TTC28: variants seen among roughly 807,000 people sequenced by gnomAD.
TTC28 encodes the protein tetratricopeptide repeat domain 28.
TTC28 carries 61 observed loss-of-function variants against 198.0 expected under a neutral mutation model. The observed-to-expected ratio is 0.31, with a 90% confidence interval of 0.25 to 0.38. The LOEUF (loss-of-function observed/expected upper bound fraction) is 0.38. Ranked by LOEUF, TTC28 falls within the 10% of genes least tolerant of loss-of-function variation. The probability of loss-of-function intolerance (pLI) is 1.00; values close to 1 mark genes in which losing one functional copy is unlikely to be tolerated. For missense variants in TTC28, 2,678 were observed against 3,164.0 expected (o/e 0.85, Z 3.69); for synonymous variants, 1,171 against 1,297.8 (o/e 0.90, Z 2.10).
At chr22:28,028,082 G>C (rs1938908236) in intron 13 of TTC28, among the ~76,000 whole-genome samples, 1 of 152,252 alleles carries the variant, frequency 6.6e-6, no homozygotes, top group Admixed American at 6.5e-5. Context: ...TGGGCCTTAA[G>C]GGCTTACCAC....
chr22:28,677,978 TA>T (rs1009680047), intron 1 of TTC28, among the ~76,000 whole-genome samples: 1 of 151,978 alleles, frequency 6.6e-6, no homozygotes, highest in Non-Finnish European at 1.5e-5. Context: ...ATTAAAAATT[TA>T]AAAAATCACA....
Position 28,098,926 on chromosome 22 carries a change from A to T in TTC28, c.3536T>A (p.Leu1179His). ...TSSYQALQRV[L>H]VSLGHHDEAL... ...CCAGCTGTTCTCACCTAGGCTGACG[A>T]GCACCCGCTGCAAGGCCTGGTAGGA... is the stretch of plus-strand genomic sequence containing the variant. Residue 1179 changes from leucine to histidine, a missense_variant, in exon 10 of 23, where the codon CTC becomes CAC. Leu to His is a moderately conservative substitution (Grantham distance 99). Coordinates refer to ENST00000397906, the MANE Select transcript of TTC28 (RefSeq NM_001145418.2). 6.4e-7 allele frequency: 1 copy of T among 1,551,690 alleles called. No homozygotes were observed. Among genetic ancestry groups the T allele is most frequent in the Non-Finnish European group, 8.7e-7 (1 of 1,146,978 alleles).
At chr22:28,184,072 TC>T (rs1348257712) in intron 5 of TTC28, among the ~76,000 whole-genome samples, 2 of 152,178 alleles carry the variant, frequency 1.3e-5, no homozygotes, top group Non-Finnish European at 2.9e-5. Context: ...CTGGCTACTT[TC>T]CCTTAATTAA....
intron 2 of TTC28, among the ~76,000 whole-genome samples, chr22:28,598,970 T>C (rs1020534154): frequency 3.9e-5 from 6 of 152,016 alleles, no homozygotes; most frequent in African/African-American, 7.3e-5. Context: ...TCAAAGAAAA[T>C]TACAAGAGCA....
chr22:28,506,427 C>CG (rs1379659953), intron 2 of TTC28, among the ~76,000 whole-genome samples: 6 of 152,050 alleles, frequency 3.9e-5, no homozygotes, highest in African/African-American at 7.2e-5. Flanking sequence ...ACAGAGCTCC[C>CG]GGGGGGAGGG....
At chr22:28,586,743 A>C (rs571701175) in intron 2 of TTC28, among the ~76,000 whole-genome samples, 1 of 152,314 alleles carries the variant, frequency 6.6e-6, no homozygotes, top group South Asian at 2.1e-4. Context: ...TGTTTAGCTA[A>C]TAATGCTGAG....
In TTC28 at chr22:28,364,627, T is replaced by C. The variant is rs564933280; in HGVS notation, c.382-57984A>G. ...GTCAAAATATCAACATTAATGGAAG[T>C]TTGGAAGAAGTCAATTCCAACCCTC... is the stretch of plus-strand genomic sequence containing the variant. On this transcript the variant is annotated intron_variant, in intron 2 of 22. Transcript: ENST00000397906. Among the ~76,000 whole-genome samples the C allele has an allele frequency of 2.6e-5, 4 of 152,148 alleles. No homozygotes were observed. The East Asian group carries it at 7.8e-4, about 29-fold the overall frequency.
intron 13 of TTC28, among the ~76,000 whole-genome samples, chr22:28,016,853 C>T (rs1938397215): frequency 6.6e-6 from 1 of 152,250 alleles, no homozygotes; most frequent in African/African-American, 2.4e-5. Flanking sequence ...AAACACCCGG[C>T]CCATCTGACC....
chr22:28,332,103 G>A (rs1220306882), intron 2 of TTC28, among the ~76,000 whole-genome samples: 5 of 152,044 alleles, frequency 3.3e-5, no homozygotes, highest in Admixed American at 3.3e-4. Context: ...TGGTTTTAGA[G>A]ATGAATATTC....
At chr22:28,276,847 C>T (rs1416527439) in intron 5 of TTC28, among the ~76,000 whole-genome samples, 2 of 152,110 alleles carry the variant, frequency 1.3e-5, no homozygotes, top group Non-Finnish European at 2.9e-5. Flanking sequence ...ACATAGTTAA[C>T]TCCTTATATG....
chr22:28,303,727 T>A (rs140917967), intron 3 of TTC28: 174 of 152,752 alleles, frequency 1.1e-3, no homozygotes, highest in African/African-American at 4.0e-3. Context: ...ACCAGTTTTC[T>A]CTGCTGCATT....
intron 2 of TTC28, among the ~76,000 whole-genome samples, chr22:28,564,841 TTATATATTTTA>T (rs1046693631): frequency 2.0e-4 from 30 of 147,632 alleles, no homozygotes; most frequent in East Asian, 1.2e-3. Flanking sequence ...TTATAATTTT[TTATATATTTTA>T]TATATATTTT....
intron 2 of TTC28, among the ~76,000 whole-genome samples, chr22:28,393,366 G>A (rs1200490303): frequency 6.6e-6 from 1 of 152,100 alleles, no homozygotes; most frequent in African/African-American, 2.4e-5. Flanking sequence ...TCCTAGGCAA[G>A]AGGAGCTGGA....
intron 2 of TTC28, among the ~76,000 whole-genome samples, chr22:28,532,941 G>A (rs762900608): frequency 6.6e-6 from 1 of 152,164 alleles, no homozygotes; most frequent in Non-Finnish European, 1.5e-5. Flanking sequence ...ACAACCCACA[G>A]CCAATGTCAT....
intron 2 of TTC28, among the ~76,000 whole-genome samples, chr22:28,568,107 AC>A (rs1351041817): frequency 1.3e-5 from 2 of 152,196 alleles, no homozygotes; most frequent in Non-Finnish European, 2.9e-5. Context: ...TCAGCTGTGA[AC>A]TGCATTTTCA....
rs1279154209 is a variant in TTC28, at chr22:27,980,099, T to G, written c.*2122A>C. On this transcript the variant is annotated 3_prime_UTR_variant, in exon 23 of 23. Transcript: ENST00000397906. Reference sequence around the variant, plus strand: ...AAAGAGAGCACAGACCCCAGAGCTTTACTCCAGGGATCCTTGGCACTTGGG... The same window carrying G: ...AAAGAGAGCACAGACCCCAGAGCTTGACTCCAGGGATCCTTGGCACTTGGG... 1 of 152,216 alleles carries G rather than the reference T, an allele frequency of 6.6e-6. No individual in the cohort carries two copies. The highest frequency in any genetic ancestry group is 1.5e-5 in the Non-Finnish European group (1 of 68,048). The allele number at this position is 152,216 out of a possible 1,614,324, so 9.4% of individuals were successfully genotyped here.
intron 2 of TTC28, among the ~76,000 whole-genome samples, chr22:28,563,662 G>T (rs1327076626): frequency 6.6e-6 from 1 of 152,138 alleles, no homozygotes; most frequent in Non-Finnish European, 1.5e-5. Context: ...AAAAGTGTTG[G>T]TTATGGAGAA....
At chr22:28,509,266 C>T (rs1361102689) in intron 2 of TTC28, among the ~76,000 whole-genome samples, 1 of 151,610 alleles carries the variant, frequency 6.6e-6, no homozygotes, top group Non-Finnish European at 1.5e-5. Context: ...ATTGCACTTA[C>T]TCTAAAATTG....
At chr22:27,990,849 GA>G in intron 19 of TTC28, 37 bp from the exon 20 acceptor site, 1 of 1,540,184 alleles carries the variant, frequency 6.5e-7, no homozygotes, top group African/African-American at 1.4e-5. Flanking sequence ...GAAAGAAAGA[GA>G]GAAAGAAGAG....
Sources: allele counts gnomAD v4.1 joint callset (sites outside exome capture counted in the v4.1 genomes callset), GRCh38; gene constraint gnomAD v4.1.1; transcripts MANE v1.5; gene names NCBI Gene and HGNC (gene_info 2026-07-23, HGNC 2026-07-21).